The following R3HDM2 variants were observed in gnomAD, a reference collection of about 807,000 sequenced individuals.
R3HDM2 encodes R3H domain-containing protein 2.
Under a neutral mutation model 124.5 loss-of-function variants are expected in R3HDM2, and 38 were observed. The ratio of observed to expected loss-of-function variants is 0.31; its 90% CI spans 0.24 to 0.40. R3HDM2 has a LOEUF of 0.40. Ranked by LOEUF, R3HDM2 falls within the 10% of genes least tolerant of loss-of-function variation. The pLI, the probability that R3HDM2 is intolerant of heterozygous loss-of-function variation, is 1.00. For missense variants in R3HDM2, 869 were observed against 1,236.9 expected, an observed-to-expected ratio of 0.70 and a Z score of 4.46; for synonymous variants, 391 against 448.0, an observed-to-expected ratio of 0.87 and a Z score of 1.61.
chr12:57,310,139 G>T, intron 3 of R3HDM2, 125 bp downstream of exon 3: 1 of 594,250 alleles, frequency 1.7e-6, no homozygotes, highest in Non-Finnish European at 2.7e-6. Flanking sequence ...TGATGCAGGA[G>T]TTTGAGGGTG....
intron 19 of R3HDM2, among the ~76,000 whole-genome samples, chr12:57,260,838 G>A (rs573833217): frequency 4.6e-5 from 7 of 152,268 alleles, no homozygotes; most frequent in African/African-American, 1.7e-4. Context: ...TGGGAAGTGA[G>A]CGTGATTGTT....
rs563235213 is a variant in R3HDM2, at chr12:57,258,230, A to G, written c.2302-93T>C. 7.4e-5 allele frequency: 90 copies of G among 1,216,884 alleles called. No individual in the cohort carries two copies. The Admixed American group carries it at 1.8e-3, about 25-fold the overall frequency. The allele number at this position is 1,216,884 out of a possible 1,614,324, so 75.4% of individuals were successfully genotyped here. Reference sequence around the variant, plus strand: ...GCTTAAAATTCACCTCTCTCAGGAAATAAGTTTCTCTTGCTGAACTCTGCC... The same window carrying G: ...GCTTAAAATTCACCTCTCTCAGGAAGTAAGTTTCTCTTGCTGAACTCTGCC... On this transcript the variant is annotated intron_variant, in intron 20 of 23. Coordinates refer to ENST00000402412, the MANE Select transcript of R3HDM2 (RefSeq NM_001394031.1).
rs903986320 is a variant in R3HDM2 at position 57,255,250 on chromosome 12, C to G, written c.2633-137G>C. ...AAAGCCTGGCCTTTCTCTCTTAGCC[C>G]TTTCTTCCCCTCCCCACCATCCCAG... On this transcript the variant is annotated intron_variant, in intron 23 of 23. Coordinates refer to ENST00000402412, the MANE Select transcript of R3HDM2 (RefSeq NM_001394031.1). 8 of 659,762 alleles carry G rather than the reference C, an allele frequency of 1.2e-5. No homozygotes were observed. The African/African-American group carries it at 1.5e-4, about 12-fold the overall frequency. The allele number at this position is 659,762 out of a possible 1,614,324, so 40.9% of individuals were successfully genotyped here. A position where few individuals can be genotyped will look rare whatever the true frequency, so the allele number is the denominator to read the frequency against.
intron 6 of R3HDM2, 44 bp downstream of exon 6, chr12:57,299,307 AG>A: frequency 6.6e-7 from 1 of 1,505,864 alleles, no homozygotes; most frequent in South Asian, 1.2e-5. Context: ...ATAAAAGTAA[AG>A]GGCACTGCCC....
At position 57,430,680 on chromosome 12, in the gene R3HDM2, G is replaced by A. The variant is rs1869680928; in HGVS notation, c.-106+40C>T. 5 of 758,144 alleles carry A rather than the reference G, an allele frequency of 6.6e-6. No homozygotes were observed. In the South Asian group the frequency reaches 2.4e-4, roughly 36 times the overall value. 47.0% of individuals were successfully genotyped at this position (758,144 alleles called of 1,614,324 possible). On this transcript the variant is annotated intron_variant, in intron 1 of 23. Transcript: ENST00000402412. ...CCGCCACGCCCCCTCCCCACAGGCCGTCCGGGCCGCCCGCCCCCTCGGCCG... is the reference window on the plus strand; with the variant it reads ...CCGCCACGCCCCCTCCCCACAGGCCATCCGGGCCGCCCGCCCCCTCGGCCG...
At chr12:57,413,851 T>TCCC (rs1566511410) in intron 1 of R3HDM2, among the ~76,000 whole-genome samples, 17 of 145,250 alleles carry the variant, frequency 1.2e-4, no homozygotes, top group African/African-American at 4.0e-4. Flanking sequence ...CCCCCCCTTT[T>TCCC]TTTTTTTTTT....
At chr12:57,335,492 CTTTTT>C (rs34808381) in intron 2 of R3HDM2, among the ~76,000 whole-genome samples, 4 of 111,732 alleles carry the variant, frequency 3.6e-5, no homozygotes, top group East Asian at 2.6e-4. Context: ...GCCCGGCCAC[CTTTTT>C]TTTTTTTTTT....
chr12:57,261,114 C>G (rs562051178), intron 19 of R3HDM2, among the ~76,000 whole-genome samples: 8 of 152,304 alleles, frequency 5.3e-5, no homozygotes, highest in Admixed American at 5.2e-4. Context: ...ATGCATTTAA[C>G]AACTCTCCCC....
intron 1 of R3HDM2, among the ~76,000 whole-genome samples, chr12:57,416,989 T>C (rs1319760872): frequency 6.7e-6 from 1 of 150,138 alleles, no homozygotes; most frequent in Non-Finnish European, 1.5e-5. Context: ...GCACCTGTAG[T>C]CCCAGCTACT....
chr12:57,429,451 C>G (rs1055022953), intron 1 of R3HDM2, among the ~76,000 whole-genome samples: 1 of 152,132 alleles, frequency 6.6e-6, no homozygotes, highest in Non-Finnish European at 1.5e-5. Flanking sequence ...TTTTGTCTTT[C>G]CCGGCGCGGT....
At chr12:57,390,596 C>T (rs1594360441) in intron 2 of R3HDM2, among the ~76,000 whole-genome samples, 1 of 152,160 alleles carries the variant, frequency 6.6e-6, no homozygotes, top group East Asian at 1.9e-4. Context: ...CTTTGGGAGG[C>T]TGAGGCAAGA....
At chr12:57,255,794 C>A (rs1384460156) in intron 23 of R3HDM2, among the ~76,000 whole-genome samples, 196 bp downstream of exon 23, 1 of 152,202 alleles carries the variant, frequency 6.6e-6, no homozygotes, top group Non-Finnish European at 1.5e-5. Context: ...TTACCATGAT[C>A]TTCCTCAGAA....
intron 2 of R3HDM2, among the ~76,000 whole-genome samples, chr12:57,371,083 C>CTTTTTTTTTTTTTTTTTTTTTTTTTT (rs775839017): frequency 2.4e-5 from 1 of 40,898 alleles, no homozygotes; most frequent in African/African-American, 8.6e-5. Flanking sequence ...TATACCATTA[C>CTTTTTTTTTTTTTTTTTTTTTTTTTT]TTTTTTTTTT....
chr12:57,356,273 C>A (rs541790202), intron 2 of R3HDM2, among the ~76,000 whole-genome samples: 3 of 152,006 alleles, frequency 2.0e-5, no homozygotes, highest in Non-Finnish European at 4.4e-5. Flanking sequence ...ATGAATGAAG[C>A]CTGAATTTTT....
intron 1 of R3HDM2, among the ~76,000 whole-genome samples, chr12:57,427,556 G>A (rs947365147): frequency 1.3e-5 from 2 of 150,918 alleles, no homozygotes; most frequent in Non-Finnish European, 3.0e-5. Flanking sequence ...CACCATGTTG[G>A]CCAGGCTGGT....
intron 2 of R3HDM2, among the ~76,000 whole-genome samples, chr12:57,375,761 C>T (rs1418954804): frequency 6.6e-6 from 1 of 151,084 alleles, no homozygotes; most frequent in Non-Finnish European, 1.5e-5. Context: ...CAACCTCTGA[C>T]TCCCTGGTTC....
chr12:57,397,138 G>C (rs566871916), intron 1 of R3HDM2, among the ~76,000 whole-genome samples: 14 of 152,180 alleles, frequency 9.2e-5, no homozygotes, highest in Non-Finnish European at 1.5e-4. Context: ...ACAAAACTAG[G>C]ATCTCTCTTA....
intron 11 of R3HDM2, among the ~76,000 whole-genome samples, chr12:57,292,020 T>A (rs931333803): frequency 2.0e-5 from 3 of 152,226 alleles, no homozygotes; most frequent in Non-Finnish European, 2.9e-5. Flanking sequence ...GAAAGAGACT[T>A]CCTTTTCAGG....
rs771067254 is a variant in R3HDM2, at chr12:57,266,812, G to C, written c.2050C>G (p.Gln684Glu). 1 of 1,606,272 alleles carries C rather than the reference G, an allele frequency of 6.2e-7. No individual in the cohort carries two copies. The highest frequency in any genetic ancestry group is 1.1e-5 in the South Asian group (1 of 90,746). Residue 684 changes from glutamine to glutamate, a missense_variant, in exon 19 of 24, where the codon CAA (glutamine) becomes GAA (glutamate). By Grantham distance (29) the Gln-to-Glu change is conservative (BLOSUM62 2). Transcript: ENST00000402412. ...NGTSPSVGFL[Q>E]PPGSEQYQMP... ...TGGTACTGCTCAGAGCCAGGGGGTT[G>C]CAGAAACCCTACAGAAGGGCTGGGA... is the stretch of plus-strand genomic sequence containing the variant.
Sources: gnomAD v4.1 joint callset for allele counts (sites outside exome capture counted in the v4.1 genomes callset) on GRCh38, gnomAD v4.1.1 for gene constraint, MANE v1.5 for transcripts, NCBI Gene and HGNC (gene_info 2026-07-23, HGNC 2026-07-21) for gene names.